Variants in MED27 observed in about 807,000 individuals in gnomAD.
MED27 encodes the protein mediator complex subunit 27.
In MED27, 30 loss-of-function variants were observed where a neutral mutation model predicts 38.2. That is an observed-to-expected ratio of 0.79 (90% CI 0.59 to 1.07). The LOEUF is 1.07. Ranked by LOEUF, MED27 falls within the 50% of genes least tolerant of loss-of-function variation. The pLI is 0.00. For synonymous variants in MED27, 122 were observed against 153.5 expected, an observed-to-expected ratio of 0.79 and a Z score of 1.52; for missense variants, 289 against 397.5, an observed-to-expected ratio of 0.73 and a Z score of 2.32.
intron 2 of MED27, among the ~76,000 whole-genome samples, chr9:132,066,644 C>A (rs1165394610): frequency 6.6e-6 from 1 of 152,224 alleles, no homozygotes; most frequent in African/African-American, 2.4e-5. Context: ...CTGTGGTGAG[C>A]TGGTGCCTCC....
chr9:131,900,147 C>G (rs144126434), intron 4 of MED27, among the ~76,000 whole-genome samples: 225 of 152,306 alleles, frequency 1.5e-3, no homozygotes, highest in African/African-American at 5.3e-3. Context: ...TCAAGGTGCA[C>G]TTGAAGAGGA....
At chr9:132,045,307 T>C (rs1220346257) in intron 2 of MED27, among the ~76,000 whole-genome samples, 2 of 152,124 alleles carry the variant, frequency 1.3e-5, no homozygotes, top group Non-Finnish European at 2.9e-5. Flanking sequence ...TAAATTACAG[T>C]ACATTCATAT....
At position 132,002,200 on chromosome 9, in the gene MED27, C is replaced by A. The variant is rs114381924; in HGVS notation, c.479+12137G>T. ...AAACACCTTTAGTACCCATCCCCCTCACCACTGCCTCCAAACACAAAGAAT... is the reference window on the plus strand; with the variant it reads ...AAACACCTTTAGTACCCATCCCCCTAACCACTGCCTCCAAACACAAAGAAT... On this transcript the variant is annotated intron_variant, in intron 3 of 7. Transcript: ENST00000292035. Among the ~76,000 whole-genome samples the A allele has an allele frequency of 9.6e-3, 1,461 of 152,326 alleles. 24 individuals are homozygous for A. Among genetic ancestry groups the A allele is most frequent in the African/African-American group, 0.034 (1,394 of 41,566 alleles).
chr9:131,902,556 C>G (rs1371854608), intron 4 of MED27, among the ~76,000 whole-genome samples: 3 of 152,102 alleles, frequency 2.0e-5, no homozygotes, highest in Non-Finnish European at 2.9e-5. Flanking sequence ...ACTTGGAAAC[C>G]AAGAGGTCAG....
intron 6 of MED27, among the ~76,000 whole-genome samples, chr9:131,869,770 C>T (rs935255539): frequency 3.3e-5 from 5 of 152,084 alleles, no homozygotes; most frequent in East Asian, 1.9e-4. Context: ...CACTGGGAGG[C>T]GCCTGGTTCA....
chr9:132,051,159 C>T lies in MED27; in HGVS notation c.348+26283G>A, dbSNP rs1213265978. Among the ~76,000 whole-genome samples the T allele has an allele frequency of 6.6e-6, 1 of 152,116 alleles. No homozygotes were observed. The highest frequency in any genetic ancestry group is 2.4e-5 in the African/African-American group (1 of 41,398). On this transcript the variant is annotated intron_variant, in intron 2 of 7. Coordinates refer to ENST00000292035, the MANE Select transcript of MED27 (RefSeq NM_004269.4). The surrounding 1 kb of genome is among the most constrained non-coding windows in gnomAD (Gnocchi z 4.2). ...TGAGATGTGTCCCAAATAACATGTT[C>T]CCGATAACAGTTAAAGTACATGAGA...
chr9:132,011,096 A>G (rs1381461031), intron 3 of MED27, among the ~76,000 whole-genome samples: 1 of 152,206 alleles, frequency 6.6e-6, no homozygotes, highest in Non-Finnish European at 1.5e-5. Flanking sequence ...TGATATGCAA[A>G]TTTGAATAGT....
intron 3 of MED27, among the ~76,000 whole-genome samples, chr9:131,966,383 CAAAAA>C (rs749607968): frequency 8.2e-5 from 3 of 36,760 alleles, no homozygotes; most frequent in African/African-American, 3.2e-4. Context: ...GACCCTGTCA[CAAAAA>C]AAAAAAAAAA....
At chr9:131,871,428 TC>T (rs1838831716) in intron 6 of MED27, among the ~76,000 whole-genome samples, 1 of 152,198 alleles carries the variant, frequency 6.6e-6, no homozygotes, top group Middle Eastern at 3.2e-3. Context: ...TACACTATTG[TC>T]CTCAGCAGTT....
chr9:132,004,826 A>C (rs1170286183), intron 3 of MED27, among the ~76,000 whole-genome samples: 1 of 152,248 alleles, frequency 6.6e-6, no homozygotes, highest in Non-Finnish European at 1.5e-5. Flanking sequence ...CTCATCAGCC[A>C]GGTGAGCAGC....
chr9:132,002,924 A>G (rs1832273862), intron 3 of MED27, among the ~76,000 whole-genome samples: 2 of 151,246 alleles, frequency 1.3e-5, no homozygotes, highest in African/African-American at 4.8e-5. Flanking sequence ...GTCTCAAAAA[A>G]AAAAGAAAAA....
chr9:131,898,265 T>C (rs9411412), intron 4 of MED27, among the ~76,000 whole-genome samples: 81,106 of 151,580 alleles, frequency 0.54, 23,518 homozygotes, highest in Non-Finnish European at 0.66. Context: ...GATGGAGTCC[T>C]GCTCTGTCAC....
chr9:131,965,377 AT>A (rs1402584847), intron 3 of MED27, among the ~76,000 whole-genome samples: 2 of 152,246 alleles, frequency 1.3e-5, no homozygotes, highest in Non-Finnish European at 2.9e-5. Context: ...TACGGTCCAC[AT>A]ACTACTCTGA....
chr9:132,024,355 C>T (rs936452188), intron 2 of MED27, among the ~76,000 whole-genome samples: 2 of 152,120 alleles, frequency 1.3e-5, no homozygotes, highest in Admixed American at 1.3e-4. Flanking sequence ...TGGAATTTGG[C>T]GGTATAATGT....
chr9:132,000,775 G>A lies in MED27; in HGVS notation c.479+13562C>T, dbSNP rs1832212246. Reference sequence around the variant, plus strand: ...AAATTTTTTTTTTTTTTTTAGAGATGGGGTCTCACTATGTTGTCCAGGCTT... The same window carrying A: ...AAATTTTTTTTTTTTTTTTAGAGATAGGGTCTCACTATGTTGTCCAGGCTT... On this transcript the variant is annotated intron_variant, in intron 3 of 7. Coordinates refer to ENST00000292035, the MANE Select transcript of MED27 (RefSeq NM_004269.4). Among the ~76,000 whole-genome samples, 5 of 150,304 alleles carry A rather than the reference G, an allele frequency of 3.3e-5. No homozygotes were observed. In the South Asian group the frequency reaches 1.1e-3, roughly 32 times the overall value.
At chr9:132,036,142 C>T (rs148614314) in intron 2 of MED27, among the ~76,000 whole-genome samples, 19 of 152,320 alleles carry the variant, frequency 1.2e-4, no homozygotes, top group African/African-American at 4.6e-4. Flanking sequence ...AGGAACATCT[C>T]TTTCTCCTAA....
chr9:131,891,728 A>G (rs1839232050), intron 5 of MED27, among the ~76,000 whole-genome samples: 1 of 152,198 alleles, frequency 6.6e-6, no homozygotes, highest in Non-Finnish European at 1.5e-5. Context: ...TGTGTATTTT[A>G]GGAAGACAGC....
chr9:132,048,344 C>T (rs1011917876), intron 2 of MED27, among the ~76,000 whole-genome samples: 3 of 152,066 alleles, frequency 2.0e-5, no homozygotes, highest in African/African-American at 4.8e-5. Context: ...TCAACCACTA[C>T]GGAGAGGAAA....
At chr9:131,923,802 C>T (rs1026237805) in intron 4 of MED27, among the ~76,000 whole-genome samples, 3 of 152,112 alleles carry the variant, frequency 2.0e-5, no homozygotes, top group African/African-American at 7.2e-5. Flanking sequence ...GTGTTGTTTC[C>T]CCAGTAGAAA....
Sources: gnomAD v4.1 joint callset for allele counts (sites outside exome capture counted in the v4.1 genomes callset) on GRCh38, gnomAD v4.1.1 for gene constraint, Gnocchi (gnomAD v3.1) non-coding constraint, MANE v1.5 for transcripts, NCBI Gene and HGNC (gene_info 2026-07-23, HGNC 2026-07-21) for gene names.